The following SUGCT variants were observed in gnomAD, a reference collection of about 807,000 sequenced individuals.
SUGCT encodes succinyl-CoA:glutarate-CoA transferase.
In SUGCT, 41 loss-of-function variants were observed where a neutral mutation model predicts 55.0. The observed-to-expected ratio is 0.74, with a 90% CI of 0.58 to 0.97. The LOEUF is 0.97. Among genes scored for constraint, SUGCT ranks in the 50% least tolerant of loss-of-function variants. The pLI is 0.00. For synonymous variants in SUGCT, 187 were observed against 200.4 expected (o/e 0.93, Z 0.56); for missense variants, 568 against 547.8 (o/e 1.04, Z -0.37).
chr7:40,907,136 TGTGTGAGAGA>T, the SUGCT span, among the ~76,000 whole-genome samples: 80 of 89,656 alleles, frequency 8.9e-4, no homozygotes, highest in East Asian at 4.5e-3. Flanking sequence ...TGTGTGTGTG[TGTGTGAGAGA>T]GAGAGAGAGA....
chr7:40,852,514 T>C (rs1793900255), intron 13 of SUGCT, among the ~76,000 whole-genome samples: 1 of 151,958 alleles, frequency 6.6e-6, no homozygotes, highest in Non-Finnish European at 1.5e-5. Context: ...GTCACTACTA[T>C]AGTCTATACC....
At chr7:40,637,932 A>G (rs939946159) in intron 12 of SUGCT, among the ~76,000 whole-genome samples, 1 of 152,210 alleles carries the variant, frequency 6.6e-6, no homozygotes, top group African/African-American at 2.4e-5. Flanking sequence ...ACTTGTACAG[A>G]GTATTTGTAA....
chr7:40,768,010 C>T (rs573651863), intron 13 of SUGCT, among the ~76,000 whole-genome samples: 23 of 152,292 alleles, frequency 1.5e-4, no homozygotes, highest in African/African-American at 4.1e-4. Context: ...ACCATGACTG[C>T]GTCTGAAGAC....
intron 12 of SUGCT, among the ~76,000 whole-genome samples, chr7:40,503,979 G>A (rs1792445297): frequency 6.6e-6 from 1 of 152,088 alleles, no homozygotes; most frequent in Non-Finnish European, 1.5e-5. Context: ...AGAATAATGG[G>A]CAGAAGACAT....
intron 11 of SUGCT, among the ~76,000 whole-genome samples, chr7:40,468,971 A>G (rs1790268839): frequency 6.6e-6 from 1 of 152,122 alleles, no homozygotes; most frequent in Non-Finnish European, 1.5e-5. Flanking sequence ...TTCCTGACAC[A>G]TTTGCCAAGG....
chr7:40,787,936 G>C (rs1025484688), intron 13 of SUGCT, among the ~76,000 whole-genome samples: 1 of 152,062 alleles, frequency 6.6e-6, no homozygotes, highest in Admixed American at 6.6e-5. Context: ...TCCCCTGCCC[G>C]GTGGTAACAG....
chr7:40,610,979 G>T (rs2151770615), intron 12 of SUGCT, among the ~76,000 whole-genome samples: 1 of 152,296 alleles, frequency 6.6e-6, no homozygotes, highest in South Asian at 2.1e-4. Flanking sequence ...CGTCTGGGGA[G>T]GCTGGGTAAG....
At chr7:41,032,335 GTT>G in the SUGCT span, among the ~76,000 whole-genome samples, 4 of 143,792 alleles carry the variant, frequency 2.8e-5, no homozygotes, top group African/African-American at 1.0e-4. Flanking sequence ...CATTTCTCAT[GTT>G]TTTTTTTTTT....
At position 40,645,136 on chromosome 7, in the gene SUGCT, C is replaced by T. The variant is rs559706933; in HGVS notation, c.1090-104298C>T. On this transcript the variant is annotated intron_variant, in intron 12 of 13. Transcript: ENST00000335693. ...CCTTTGTTAGTCAGCACCTACCTCG[C>T]GGGGAGAGACACTGAACTGCTGGTG... Among the ~76,000 whole-genome samples the T allele has an allele frequency of 7.2e-5, 11 of 152,294 alleles. No homozygotes were observed. The East Asian group carries it at 1.4e-3, about 19-fold the overall frequency.
the SUGCT span, among the ~76,000 whole-genome samples, chr7:40,877,402 G>A: frequency 3.3e-5 from 5 of 152,168 alleles, no homozygotes; most frequent in African/African-American, 1.2e-4. Flanking sequence ...GACTTCACCA[G>A]TGTAAACGTA....
At chr7:40,365,210 C>A (rs1326775443) in intron 9 of SUGCT, among the ~76,000 whole-genome samples, 1 of 152,170 alleles carries the variant, frequency 6.6e-6, no homozygotes, top group Non-Finnish European at 1.5e-5. Flanking sequence ...CAAAATTTAA[C>A]AACTCTTCAT....
At chr7:40,751,305 T>TG (rs1318835842) in intron 13 of SUGCT, among the ~76,000 whole-genome samples, 2 of 151,984 alleles carry the variant, frequency 1.3e-5, no homozygotes, top group Non-Finnish European at 2.9e-5. Flanking sequence ...AGGGAGAGCC[T>TG]GGGGGCCCTG....
intron 12 of SUGCT, among the ~76,000 whole-genome samples, chr7:40,575,802 G>A (rs941585433): frequency 1.3e-5 from 2 of 151,980 alleles, no homozygotes; most frequent in Non-Finnish European, 2.9e-5. Flanking sequence ...AGAATTAGCC[G>A]GGTGTGGTGG....
intron 12 of SUGCT, among the ~76,000 whole-genome samples, chr7:40,740,017 T>A (rs187060453): frequency 1.2e-3 from 178 of 152,312 alleles, no homozygotes; most frequent in Middle Eastern, 6.8e-3. Flanking sequence ...ATCTTTACTA[T>A]GTTGAATCAT....
chr7:40,418,524 A>G lies in SUGCT; in HGVS notation c.817-30763A>G, dbSNP rs1787130623. On this transcript the variant is annotated intron_variant, in intron 9 of 13. Transcript: ENST00000335693. ...CCAATACCAAGTATTTGGGAGAATAATGAGTTTGTACCAGCTCAAATTTTA... is the reference window on the plus strand; with the variant it reads ...CCAATACCAAGTATTTGGGAGAATAGTGAGTTTGTACCAGCTCAAATTTTA... Among the ~76,000 whole-genome samples the G allele has an allele frequency of 2.0e-5, 3 of 152,192 alleles. No homozygotes were observed. In the South Asian group the frequency reaches 6.2e-4, roughly 32 times the overall value.
chr7:40,646,082 A>G (rs182092594), intron 12 of SUGCT, among the ~76,000 whole-genome samples: 6 of 152,276 alleles, frequency 3.9e-5, no homozygotes, highest in East Asian at 3.9e-4. Flanking sequence ...CCTTATCTCA[A>G]TGAATGACCC....
chr7:40,447,598 A>T (rs1040905671), intron 9 of SUGCT, among the ~76,000 whole-genome samples: 1 of 152,190 alleles, frequency 6.6e-6, no homozygotes, highest in African/African-American at 2.4e-5. Flanking sequence ...AACATTCAAG[A>T]TACCTTGAAA....
chr7:40,403,993 C>G (rs1786225428), intron 9 of SUGCT, among the ~76,000 whole-genome samples: 1 of 152,114 alleles, frequency 6.6e-6, no homozygotes, highest in African/African-American at 2.4e-5. Context: ...GGTGGGTTTC[C>G]TTTTCCACGC....
intron 13 of SUGCT, among the ~76,000 whole-genome samples, chr7:40,822,939 A>G (rs190855996): frequency 6.6e-6 from 1 of 152,282 alleles, no homozygotes; most frequent in Admixed American, 6.5e-5. Flanking sequence ...TTGACTAAAT[A>G]TTCCGAAGGG....
Sources: allele counts gnomAD v4.1 joint callset (sites outside exome capture counted in the v4.1 genomes callset), GRCh38; gene constraint gnomAD v4.1.1; transcripts MANE v1.5; gene names NCBI Gene and HGNC (gene_info 2026-07-23, HGNC 2026-07-21).